Variants in RAP1GAP observed in about 807,000 individuals in gnomAD.
The protein encoded by RAP1GAP is RAP1 GTPase activating protein, also known as rap1 GTPase-activating protein 1.
RAP1GAP carries 35 observed loss-of-function variants against 87.2 expected under a neutral mutation model. That is an observed-to-expected ratio of 0.40 (90% CI 0.31 to 0.53). RAP1GAP has a LOEUF of 0.53. RAP1GAP is among the 20% of genes least tolerant of loss of function. The pLI, the probability that RAP1GAP is intolerant of heterozygous loss-of-function variation, is 0.48. For missense variants in RAP1GAP, 734 were observed against 898.9 expected, an observed-to-expected ratio of 0.82 and a Z score of 2.35; for synonymous variants, 375 against 363.9, an observed-to-expected ratio of 1.03 and a Z score of -0.35.
chr1:21,643,335 G>A lies in RAP1GAP; in HGVS notation c.-113+6426C>T, dbSNP rs149119653. Among the ~76,000 whole-genome samples the A allele has an allele frequency of 6.9e-3, 1,054 of 152,138 alleles. 15 individuals carry two copies. Among genetic ancestry groups the A allele is most frequent in the African/African-American group, 0.024 (981 of 41,472 alleles). ...AGCACCTTGGGAGGCCGAGACGGGC[G>A]GATCATGAGGTCAGGAGTTCGAGAC... On this transcript the variant is annotated intron_variant, in intron 2 of 24. Transcript: ENST00000374765.
intron 2 of RAP1GAP, among the ~76,000 whole-genome samples, chr1:21,628,069 A>C (rs2092786713): frequency 6.6e-6 from 1 of 152,194 alleles, no homozygotes; most frequent in African/African-American, 2.4e-5. Flanking sequence ...TCATTTGTTC[A>C]TGGTAAACTC....
intron 1 of RAP1GAP, among the ~76,000 whole-genome samples, chr1:21,663,356 C>T (rs1269705085): frequency 6.6e-6 from 1 of 152,236 alleles, no homozygotes; most frequent in Non-Finnish European, 1.5e-5. Flanking sequence ...ACAGTGCCTA[C>T]AGCAGTCTGC....
chr1:21,626,208 T>C (rs181986224), intron 3 of RAP1GAP, 96 bp downstream of exon 3: 52 of 1,143,094 alleles, frequency 4.5e-5, no homozygotes, highest in South Asian at 2.8e-4. Flanking sequence ...CATTTTACCT[T>C]TGCCCAAAAG....
chr1:21,657,008 C>T (rs2096892862), intron 1 of RAP1GAP, among the ~76,000 whole-genome samples: 1 of 152,230 alleles, frequency 6.6e-6, no homozygotes, highest in Non-Finnish European at 1.5e-5. Context: ...ACTATTCAGA[C>T]ACTGGCGATA....
intron 1 of RAP1GAP, among the ~76,000 whole-genome samples, chr1:21,655,072 G>A (rs1009957952): frequency 6.6e-6 from 1 of 151,232 alleles, no homozygotes; most frequent in Non-Finnish European, 1.5e-5. Context: ...CCCAGGAGGT[G>A]GAGGTTGCAG....
rs1646670708 is a variant in RAP1GAP at position 21,598,589 on chromosome 1, C to T, written c.1777-87G>A. 22 of 1,076,646 alleles carry T rather than the reference C, an allele frequency of 2.0e-5. No homozygotes were observed. The South Asian group carries it at 2.4e-4, about 12-fold the overall frequency. 66.7% of individuals were successfully genotyped at this position (1,076,646 alleles called of 1,614,324 possible). A position where few individuals can be genotyped will look rare whatever the true frequency, so the allele number is the denominator to read the frequency against. ...CCCTCCCAGCCCCTCTCCCTCACTGCATTCCACAACCCCCCACCCGTACCC... is the reference window on the plus strand; with the variant it reads ...CCCTCCCAGCCCCTCTCCCTCACTGTATTCCACAACCCCCCACCCGTACCC... On this transcript the variant is annotated intron_variant, in intron 21 of 24. Coordinates refer to ENST00000374765, the MANE Select transcript of RAP1GAP (RefSeq NM_002885.4).
intron 6 of RAP1GAP, 39 bp downstream of exon 6, chr1:21,617,895 G>A (rs1215826125): frequency 6.2e-7 from 1 of 1,613,862 alleles, no homozygotes; most frequent in African/African-American, 1.3e-5. Context: ...GTGCCTCCTG[G>A]GCTTGAGTAA....
At chr1:21,616,711 AG>A (rs1233702017) in intron 7 of RAP1GAP, among the ~76,000 whole-genome samples, 1 of 152,234 alleles carries the variant, frequency 6.6e-6, no homozygotes, top group Non-Finnish European at 1.5e-5. Context: ...GTGGTGGGGC[AG>A]GGGCTGCATC....
chr1:21,658,669 C>T (rs910413848), intron 1 of RAP1GAP, among the ~76,000 whole-genome samples: 4 of 152,080 alleles, frequency 2.6e-5, no homozygotes, highest in Non-Finnish European at 5.9e-5. Flanking sequence ...ACTGCTTAAG[C>T]CCAGAAGTTC....
At chr1:21,614,125 G>C (rs748755167) in intron 7 of RAP1GAP, 36 bp from the exon 8 acceptor site, 6 of 1,422,198 alleles carry the variant, frequency 4.2e-6, no homozygotes, top group South Asian at 3.6e-5. Context: ...GAGTGGGTGA[G>C]GCTGAGCATG....
intron 1 of RAP1GAP, among the ~76,000 whole-genome samples, chr1:21,652,065 G>A (rs1203143266): frequency 1.3e-5 from 2 of 151,502 alleles, no homozygotes; most frequent in Non-Finnish European, 3.0e-5. Flanking sequence ...CCAGCCGGGC[G>A]GGGATTGCGG....
At chr1:21,608,476 G>A in intron 16 of RAP1GAP, 126 bp from the exon 17 acceptor site, 6 of 1,303,392 alleles carry the variant, frequency 4.6e-6, no homozygotes, top group South Asian at 3.0e-5. Context: ...TGGGGAGGGC[G>A]GAGGGCTCCT....
At position 21,626,367 on chromosome 1, in the gene RAP1GAP, A is replaced by C; in HGVS notation, c.-82T>G. 1 of 1,613,332 alleles carries C rather than the reference A, an allele frequency of 6.2e-7. No individual in the cohort carries two copies. The highest frequency in any genetic ancestry group is 8.5e-7 in the Non-Finnish European group (1 of 1,179,422). On this transcript the variant is annotated 5_prime_UTR_variant, in exon 3 of 25. Transcript: ENST00000374765. ...TCACTCGTGACAGGTCTAGTGCCTG[A>C]GGGAAGTGCTGGTTCTGCCCATCGC...
Position 21,609,674 on chromosome 1 carries a change from T to G in RAP1GAP, c.1000-28A>C. The G allele has an allele frequency of 6.6e-7, 1 of 1,525,368 alleles. No homozygotes were observed. The highest frequency in any genetic ancestry group is 8.8e-7 in the Non-Finnish European group (1 of 1,131,196). The allele number at this position is 1,525,368 out of a possible 1,614,324, so 94.5% of individuals were successfully genotyped here. Reference sequence around the variant, plus strand: ...GGAAGGGAGGGCAGCTGTCTGTTCCTGTGGAGCCTGGGGTCTGCTCTGCCC... The same window carrying G: ...GGAAGGGAGGGCAGCTGTCTGTTCCGGTGGAGCCTGGGGTCTGCTCTGCCC... On this transcript the variant is annotated intron_variant, in intron 14 of 24. Coordinates refer to ENST00000374765, the MANE Select transcript of RAP1GAP (RefSeq NM_002885.4). This position sits in a 1 kb window ranked among gnomAD's most constrained non-coding sequence, Gnocchi z 4.4.
At chr1:21,611,984 G>T in intron 11 of RAP1GAP, 42 bp downstream of exon 11, 2 of 1,499,488 alleles carry the variant, frequency 1.3e-6, no homozygotes, top group Non-Finnish European at 1.8e-6. Flanking sequence ...CTCCAGATAT[G>T]GGGCCAGGTG....
chr1:21,644,412 T>C (rs2095828755), intron 2 of RAP1GAP, among the ~76,000 whole-genome samples: 1 of 152,192 alleles, frequency 6.6e-6, no homozygotes, highest in South Asian at 2.1e-4. Flanking sequence ...CCAAGGGACC[T>C]TGAACAGGTT....
chr1:21,601,873 G>A (rs2068840968), intron 19 of RAP1GAP, 76 bp from the exon 20 acceptor site: 2 of 1,059,114 alleles, frequency 1.9e-6, no homozygotes, highest in East Asian at 2.6e-5. Context: ...CCCAGGCGGT[G>A]AGGGGAGTCA....
At position 21,619,017 on chromosome 1, in the gene RAP1GAP, C is replaced by T. The variant is rs1168685836; in HGVS notation, c.66+8G>A. On this transcript the variant is annotated splice_region_variant and intron_variant, in intron 5 of 24. Transcript: ENST00000374765. ...TAGAGAGGGAGGCAGACTGCCAGGCCCACCTACTTTGAGGGGCGGCGGGAA... is the reference window on the plus strand; with the variant it reads ...TAGAGAGGGAGGCAGACTGCCAGGCTCACCTACTTTGAGGGGCGGCGGGAA... 1.3e-6 allele frequency: 2 copies of T among 1,594,986 alleles called. No homozygotes were observed. The highest frequency in any genetic ancestry group is 1.7e-5 in the Admixed American group (1 of 58,264).
At chr1:21,651,605 C>T in intron 1 of RAP1GAP, 1 of 707,428 alleles carries the variant, frequency 1.4e-6, no homozygotes. Flanking sequence ...CACACACACA[C>T]AGGCGCCACA....
Sources: gnomAD v4.1 joint callset for allele counts (sites outside exome capture counted in the v4.1 genomes callset) on GRCh38, gnomAD v4.1.1 for gene constraint, Gnocchi (gnomAD v3.1) non-coding constraint, MANE v1.5 for transcripts, NCBI Gene and HGNC (gene_info 2026-07-23, HGNC 2026-07-21) for gene names.